IQCE: variants seen among roughly 807,000 people sequenced by gnomAD.
IQCE encodes IQ motif containing E.
IQCE carries 115 observed loss-of-function variants against 96.0 expected under a neutral mutation model. The observed-to-expected ratio is 1.20, with a 90% CI of 1.03 to 1.40. The LOEUF (loss-of-function observed/expected upper bound fraction) is 1.40. IQCE is among the 40% of genes most tolerant of loss of function. IQCE has a pLI of 0.00. For synonymous variants in IQCE, 412 were observed against 371.2 expected (o/e 1.11, Z -1.26); for missense variants, 1,041 against 909.1 (o/e 1.15, Z -1.87).
rs780858525 is a variant in IQCE, at chr7:2,610,238, T to C, written c.*76T>C. On this transcript the variant is annotated 3_prime_UTR_variant, in exon 22 of 22. Coordinates refer to ENST00000402050, the MANE Select transcript of IQCE (RefSeq NM_152558.5). ...GAACCACGACTGGAAAGATAATTTA[T>C]CGTGTTAGGAGAAGAACGATGATAC... The C allele has an allele frequency of 1.6e-5, 14 of 886,456 alleles. No homozygotes were observed. The highest frequency in any genetic ancestry group is 2.3e-5 in the Non-Finnish European group (12 of 520,750). The allele number at this position is 886,456 out of a possible 1,614,324, so 54.9% of individuals were successfully genotyped here.
rs552272105 is a variant in IQCE at position 2,588,003 on chromosome 7, C to G, written c.1044+126C>G. 1,888 of 886,570 alleles carry G rather than the reference C, an allele frequency of 2.1e-3. 15 individuals carry two copies. Among genetic ancestry groups the G allele is most frequent in the Non-Finnish European group, 1.3e-3 (717 of 537,520 alleles). 54.9% of individuals were successfully genotyped at this position (886,570 alleles called of 1,614,324 possible). ...GCTGTCTGCCAGGCAGCGCCACACA[C>G]AGACCGCAAGGAGACTTCTTCCAGG... On this transcript the variant is annotated intron_variant, in intron 13 of 21. Transcript: ENST00000402050.
chr7:2,589,313 A>G (rs1199997208), intron 13 of IQCE, among the ~76,000 whole-genome samples: 1 of 152,108 alleles, frequency 6.6e-6, no homozygotes, highest in Admixed American at 6.6e-5. Flanking sequence ...GGATGCAGCA[A>G]GCTGTGATTG....
rs1254506262 is a variant in IQCE at position 2,593,146 on chromosome 7, G to A, written c.1349+20G>A. On this transcript the variant is annotated intron_variant, in intron 15 of 21. Transcript: ENST00000402050. ...TTTGAGGTATGTGACCCGGGTCAGG[G>A]CTGGAGAGGACCCAGGCGAGTCCGC... The A allele has an allele frequency of 6.2e-7, 1 of 1,602,358 alleles. No homozygotes were observed. The highest frequency in any genetic ancestry group is 8.5e-7 in the Non-Finnish European group (1 of 1,171,916).
chr7:2,604,863 T>C lies in IQCE; in HGVS notation c.1633-18T>C, dbSNP rs748203925. ...GCACTCACACCCACTTTTCTCTCCC[T>C]GCTTCCTTCCCTGACAGGCGGCTGT... On this transcript the variant is annotated intron_variant, in intron 18 of 21. Transcript: ENST00000402050. The C allele has an allele frequency of 2.5e-6, 4 of 1,604,130 alleles. No individual in the cohort carries two copies. Among genetic ancestry groups the C allele is most frequent in the Non-Finnish European group, 8.5e-7 (1 of 1,171,740 alleles).
intron 3 of IQCE, among the ~76,000 whole-genome samples, chr7:2,570,196 T>G (rs1458904708): frequency 2.0e-5 from 3 of 152,120 alleles, no homozygotes; most frequent in Non-Finnish European, 4.4e-5. Flanking sequence ...CAGGCGATGA[T>G]GTTTTCCTGC....
chr7:2,571,620 C>G lies in IQCE; in HGVS notation c.225C>G (p.Thr75=), dbSNP rs1180445067. Residue 75 remains threonine, a synonymous_variant, in exon 4 of 22, where the codon ACC becomes ACG. Transcript: ENST00000402050. The part of the protein sequence containing the change: ...SMPLGGRASL[T]PQKLWLGTAK... ...CTCTGGGCGGCCGAGCGTCCCTGAC[C>G]CCGCAGAAGCTGTGGCTGGGAACCG... 5.6e-6 allele frequency: 9 copies of G among 1,600,898 alleles called. No individual in the cohort carries two copies. Among genetic ancestry groups the G allele is most frequent in the Non-Finnish European group, 7.6e-6 (9 of 1,179,926 alleles).
chr7:2,566,682 A>T (rs1781401065), intron 1 of IQCE: 2 of 178,994 alleles, frequency 1.1e-5, no homozygotes, highest in South Asian at 1.1e-4. Context: ...CATGTTGCCC[A>T]GGCCGAGTTT....
intron 6 of IQCE, among the ~76,000 whole-genome samples, chr7:2,576,109 C>T (rs1782104153): frequency 6.6e-6 from 1 of 152,234 alleles, no homozygotes; most frequent in African/African-American, 2.4e-5. Flanking sequence ...ATCTTGCCAG[C>T]TGTGGATGTG....
chr7:2,579,426 T>G (rs888786359), intron 8 of IQCE, among the ~76,000 whole-genome samples: 4 of 152,044 alleles, frequency 2.6e-5, no homozygotes, highest in African/African-American at 9.7e-5. Flanking sequence ...ATCACTGTAA[T>G]GGGGGAGGAG....
At chr7:2,560,911 C>T (rs1408992341) in intron 1 of IQCE, among the ~76,000 whole-genome samples, 1 of 138,456 alleles carries the variant, frequency 7.2e-6, no homozygotes, top group Non-Finnish European at 1.5e-5. Flanking sequence ...GAGCCAAGAT[C>T]GTGCCACTGC....
At chr7:2,585,461 G>A (rs901168985) in intron 11 of IQCE, among the ~76,000 whole-genome samples, 8 of 152,242 alleles carry the variant, frequency 5.3e-5, no homozygotes, top group Non-Finnish European at 1.2e-4. Flanking sequence ...TGGCCTGAAC[G>A]AGGCTTCTTG....
chr7:2,570,221 G>A (rs531745471), intron 3 of IQCE, among the ~76,000 whole-genome samples: 10 of 152,194 alleles, frequency 6.6e-5, no homozygotes, highest in African/African-American at 2.2e-4. Flanking sequence ...CGAGTTTGTC[G>A]TTTTCCGGGC....
At chr7:2,572,476 A>C in intron 5 of IQCE, 150 bp downstream of exon 5, 3 of 847,224 alleles carry the variant, frequency 3.5e-6, no homozygotes, top group Non-Finnish European at 5.4e-6. Flanking sequence ...TCGTGGGAGC[A>C]GTGACTCACA....
Position 2,587,888 on chromosome 7 carries a change from G to T in IQCE, c.1044+11G>T. On this transcript the variant is annotated intron_variant, in intron 13 of 21. Coordinates refer to ENST00000402050, the MANE Select transcript of IQCE (RefSeq NM_152558.5). ...GTGGAGCTGGAGAAGGTGAGCGGGC[G>T]TCTCAGTGCCACTGTCGTTGGGGAC... The T allele has an allele frequency of 1.2e-6, 2 of 1,613,566 alleles. No homozygotes were observed.
chr7:2,600,561 G>T (rs1376440015), intron 17 of IQCE, among the ~76,000 whole-genome samples: 2 of 152,224 alleles, frequency 1.3e-5, no homozygotes, highest in African/African-American at 4.8e-5. Context: ...CCTCCCGAAA[G>T]CGTGGGAGAA....
intron 5 of IQCE, chr7:2,572,756 C>T: frequency 2.2e-6 from 1 of 456,344 alleles, no homozygotes; most frequent in South Asian, 1.6e-5. Flanking sequence ...GTTGCCCAGG[C>T]TGGTCTCAAA....
intron 1 of IQCE, among the ~76,000 whole-genome samples, chr7:2,564,386 G>C (rs1781205899): frequency 1.3e-5 from 2 of 151,970 alleles, no homozygotes; most frequent in Non-Finnish European, 2.9e-5. Context: ...CCTGAGGTCA[G>C]GAGTTTGAGA....
intron 20 of IQCE, among the ~76,000 whole-genome samples, 161 bp downstream of exon 20, chr7:2,606,158 A>G (rs1784808522): frequency 6.6e-6 from 1 of 152,184 alleles, no homozygotes; most frequent in Admixed American, 6.5e-5. Flanking sequence ...AAGGCTTCAC[A>G]TCCTGAGGAC....
Position 2,593,270 on chromosome 7 carries a change from G to A in IQCE, c.1349+144G>A, listed in dbSNP as rs549893590. On this transcript the variant is annotated intron_variant, in intron 15 of 21. Coordinates refer to ENST00000402050, the MANE Select transcript of IQCE (RefSeq NM_152558.5). The stretch of plus-strand genomic sequence containing the variant: ...TCCTCACAGTCTTTCATGGTTTTCT[G>A]TCACCCAGCCCGGGACTAACCTCTT... The A allele has an allele frequency of 1.1e-5, 15 of 1,342,956 alleles. No individual in the cohort carries two copies. The South Asian group carries it at 2.4e-4, about 21-fold the overall frequency. The allele number at this position is 1,342,956 out of a possible 1,614,324, so 83.2% of individuals were successfully genotyped here.
Sources: allele counts gnomAD v4.1 joint callset (sites outside exome capture counted in the v4.1 genomes callset), GRCh38; gene constraint gnomAD v4.1.1; transcripts MANE v1.5; gene names NCBI Gene and HGNC (gene_info 2026-07-23, HGNC 2026-07-21).